AMDHD2: variants seen among roughly 807,000 people sequenced by gnomAD.
AMDHD2 encodes the protein amidohydrolase domain containing 2.
AMDHD2 carries 24 observed loss-of-function variants against 41.8 expected under a neutral mutation model. The ratio of observed to expected loss-of-function variants is 0.57; its 90% CI spans 0.42 to 0.81. The LOEUF (loss-of-function observed/expected upper bound fraction) is 0.81, where lower values mean the gene tolerates loss of function less well. AMDHD2 is among the 30% of genes least tolerant of loss of function. The probability of loss-of-function intolerance (pLI) is 0.00; values close to 1 mark genes in which losing one functional copy is unlikely to be tolerated. For missense variants in AMDHD2, 540 were observed against 588.5 expected (o/e 0.92, Z 0.85); for synonymous variants, 332 against 255.5 (o/e 1.30, Z -2.85).
At chr16:2,522,965 G>A (rs1040196357) in intron 3 of AMDHD2, among the ~76,000 whole-genome samples, 3 of 150,284 alleles carry the variant, frequency 2.0e-5, no homozygotes, top group Non-Finnish European at 4.4e-5. Context: ...TGCCTCAGTC[G>A]CCCGAGTAGC....
Position 2,528,389 on chromosome 16 carries a change from C to T in AMDHD2, c.862+9C>T, listed in dbSNP as rs780627668. On this transcript the variant is annotated intron_variant, in intron 7 of 10. Transcript: ENST00000293971. ...CCGTGCCCATCCCCAGGGTAAGCTGCGGCAGGTGGCCAGGACAGGTAGGAT... is the reference window on the plus strand; with the variant it reads ...CCGTGCCCATCCCCAGGGTAAGCTGTGGCAGGTGGCCAGGACAGGTAGGAT... 3.4e-5 allele frequency: 55 copies of T among 1,612,740 alleles called. No individual in the cohort carries two copies. Among genetic ancestry groups the T allele is most frequent in the African/African-American group, 4.0e-5 (3 of 74,928 alleles).
At chr16:2,523,378 T>G (rs1567128579) in intron 3 of AMDHD2, among the ~76,000 whole-genome samples, 1 of 151,918 alleles carries the variant, frequency 6.6e-6, no homozygotes, top group East Asian at 1.9e-4. Flanking sequence ...CTGGGAACAA[T>G]GGGGGTGGTG....
Position 2,531,063 on chromosome 16 carries a change from G to C in AMDHD2, c.*1500G>C, listed in dbSNP as rs1597002849. 10 of 1,591,646 alleles carry C rather than the reference G, an allele frequency of 6.3e-6. No homozygotes were observed. The South Asian group carries it at 1.1e-4, about 18-fold the overall frequency. ...CCCAGCTTGCTGGCTGTCAGTGCTT[G>C]ATGTGCCCATCCTCAGCTAAAACCC... On this transcript the variant is annotated 3_prime_UTR_variant, in exon 11 of 11. Coordinates refer to ENST00000293971, the MANE Select transcript of AMDHD2 (RefSeq NM_001330449.2).
Position 2,527,241 on chromosome 16 carries a change from C to T in AMDHD2, c.361-320C>T, listed in dbSNP as rs2066015378. On this transcript the variant is annotated intron_variant, in intron 3 of 10. Transcript: ENST00000293971. This position sits in a 1 kb window ranked among gnomAD's most constrained non-coding sequence, Gnocchi z 6.1. ...CACACTGAGCTCTGCCCCAGGGTCCCTGCTGCTCCCAGGAGCCTCCTGCCT... is the reference window on the plus strand; with the variant it reads ...CACACTGAGCTCTGCCCCAGGGTCCTTGCTGCTCCCAGGAGCCTCCTGCCT... 2.1e-6 allele frequency: 1 copy of T among 472,314 alleles called. No homozygotes were observed. The highest frequency in any genetic ancestry group is 3.8e-6 in the Non-Finnish European group (1 of 264,144). The allele number at this position is 472,314 out of a possible 1,614,324, so 29.3% of individuals were successfully genotyped here. A position where few individuals can be genotyped will look rare whatever the true frequency, so the allele number is the denominator to read the frequency against.
At position 2,530,278 on chromosome 16, in the gene AMDHD2, G is replaced by A. The variant is rs373215016; in HGVS notation, c.*715G>A. The A allele has an allele frequency of 2.5e-4, 407 of 1,613,052 alleles. 3 individuals are homozygous for A. The highest frequency in any genetic ancestry group is 2.1e-3 in the Middle Eastern group (13 of 6,058). Reference sequence around the variant, plus strand: ...CCAGGCCCAGTGCTTGCCGGCTGTGGTGACCCTGCCTGGTGCTGGAGGGCA... The same window carrying A: ...CCAGGCCCAGTGCTTGCCGGCTGTGATGACCCTGCCTGGTGCTGGAGGGCA... On this transcript the variant is annotated 3_prime_UTR_variant, in exon 11 of 11. Transcript: ENST00000293971.
intron 10 of AMDHD2, 54 bp from the exon 11 acceptor site, chr16:2,529,421 G>C: frequency 1.2e-6 from 2 of 1,600,690 alleles, no homozygotes; most frequent in East Asian, 2.2e-5. Flanking sequence ...GCAGCTCTGG[G>C]GTAGGTGGGC....
In AMDHD2 at chr16:2,530,850, A is replaced by G. The variant is rs1597002485; in HGVS notation, c.*1287A>G. The G allele has an allele frequency of 1.2e-6, 2 of 1,613,498 alleles. No individual in the cohort carries two copies. Among genetic ancestry groups the G allele is most frequent in the Non-Finnish European group, 1.7e-6 (2 of 1,179,952 alleles). On this transcript the variant is annotated 3_prime_UTR_variant, in exon 11 of 11. Coordinates refer to ENST00000293971, the MANE Select transcript of AMDHD2 (RefSeq NM_001330449.2). ...AAGCAGGCGACGGATGTGGATCCTG[A>G]CCTCCTGAGAGGTGTGAGGTGCAGG...
chr16:2,531,305 G>A lies in AMDHD2; in HGVS notation c.*1742G>A, dbSNP rs1449677848. The A allele has an allele frequency of 9.0e-6, 5 of 557,640 alleles. No individual in the cohort carries two copies. The highest frequency in any genetic ancestry group is 4.8e-4 in the Middle Eastern group (1 of 2,100). 34.5% of individuals were successfully genotyped at this position (557,640 alleles called of 1,614,324 possible). A position where few individuals can be genotyped will look rare whatever the true frequency, so the allele number is the denominator to read the frequency against. On this transcript the variant is annotated 3_prime_UTR_variant, in exon 11 of 11. Coordinates refer to ENST00000293971, the MANE Select transcript of AMDHD2 (RefSeq NM_001330449.2). ...CCAGGGTCAGGGTGAGAGAGAGCTGGGCCAGGGAGCTGCTGCAGGATGATT... is the reference window on the plus strand; with the variant it reads ...CCAGGGTCAGGGTGAGAGAGAGCTGAGCCAGGGAGCTGCTGCAGGATGATT...
Position 2,527,901 on chromosome 16 carries a change from C to T in AMDHD2, c.544C>T (p.Arg182Cys), listed in dbSNP as rs746737237. The T allele has an allele frequency of 8.8e-6, 14 of 1,595,326 alleles. No homozygotes were observed. Among genetic ancestry groups the T allele is most frequent in the African/African-American group, 1.3e-5 (1 of 74,846 alleles). Residue 182 changes from arginine (R) to cysteine (C), a missense_variant, in exon 5 of 11, where the codon CGC becomes TGC. Arg to Cys is a radical substitution (Grantham distance 180, BLOSUM62 -3). Coordinates refer to ENST00000293971, the MANE Select transcript of AMDHD2 (RefSeq NM_001330449.2). This position sits in a 1 kb window ranked among gnomAD's most constrained non-coding sequence, Gnocchi z 6.1. Reference protein sequence around the residue: ...LATYGPLDNVRIVTLAPELGR... With the variant: ...LATYGPLDNVCIVTLAPELGR... ...CACCTACGGGCCCCTGGACAATGTC[C>T]GCATCGTGACGCTGGCCCCAGAGTT...
At position 2,529,952 on chromosome 16, in the gene AMDHD2, C is replaced by A; in HGVS notation, c.*389C>A. 1 of 830,858 alleles carries A rather than the reference C, an allele frequency of 1.2e-6. No individual in the cohort carries two copies. Among genetic ancestry groups the A allele is most frequent in the Non-Finnish European group, 1.8e-6 (1 of 561,142 alleles). The allele number at this position is 830,858 out of a possible 1,614,324, so 51.5% of individuals were successfully genotyped here. A position where few individuals can be genotyped will look rare whatever the true frequency, so the allele number is the denominator to read the frequency against. Reference sequence around the variant, plus strand: ...GGAGGGAGGGGCAGGCAGTCAGTGGCTGGTGCCATGGGGTGAAGCCACCAT... The same window carrying A: ...GGAGGGAGGGGCAGGCAGTCAGTGGATGGTGCCATGGGGTGAAGCCACCAT... On this transcript the variant is annotated 3_prime_UTR_variant, in exon 11 of 11. Coordinates refer to ENST00000293971, the MANE Select transcript of AMDHD2 (RefSeq NM_001330449.2).
In AMDHD2 at chr16:2,528,201, G is replaced by T; in HGVS notation, c.718-35G>T. ...GGCTGGGGTCCCAGCAGCCCCTGCT[G>T]TCGCTCAGCCATCCCTTCCCTCGCC... On this transcript the variant is annotated intron_variant, in intron 6 of 10. Transcript: ENST00000293971. 3.7e-6 allele frequency: 6 copies of T among 1,612,056 alleles called. No individual in the cohort carries two copies. The South Asian group carries it at 5.5e-5, about 15-fold the overall frequency.
rs2066016514 is a variant in AMDHD2 at position 2,527,337 on chromosome 16, G to A, written c.361-224G>A. Among the ~76,000 whole-genome samples the A allele has an allele frequency of 6.6e-6, 1 of 152,308 alleles. No individual in the cohort carries two copies. Among genetic ancestry groups the A allele is most frequent in the Non-Finnish European group, 1.5e-5 (1 of 68,020 alleles). ...GCCCACAAGCCTGCCCACATGGCCA[G>A]GGACCGCTGGCATCCCACACACCTA... On this transcript the variant is annotated intron_variant, in intron 3 of 10. Transcript: ENST00000293971. This position sits in a 1 kb window ranked among gnomAD's most constrained non-coding sequence, Gnocchi z 6.1.
At position 2,520,920 on chromosome 16, in the gene AMDHD2, C is replaced by T. The variant is rs373381890; in HGVS notation, c.220+15C>T. Reference sequence around the variant, plus strand: ...GCAGATCAACGGTGCGGCCCGGGGCCGGCAGGGGAACCCAGGGGAGGAGCT... The same window carrying T: ...GCAGATCAACGGTGCGGCCCGGGGCTGGCAGGGGAACCCAGGGGAGGAGCT... On this transcript the variant is annotated intron_variant, in intron 2 of 10. Coordinates refer to ENST00000293971, the MANE Select transcript of AMDHD2 (RefSeq NM_001330449.2). 1.4e-5 allele frequency: 22 copies of T among 1,597,962 alleles called. No homozygotes were observed. In the East Asian group the frequency reaches 2.0e-4, roughly 15 times the overall value.
Position 2,527,678 on chromosome 16 carries a change from C to T in AMDHD2, c.415+63C>T. The T allele has an allele frequency of 1.3e-6, 2 of 1,570,090 alleles. No homozygotes were observed. Among genetic ancestry groups the T allele is most frequent in the East Asian group, 2.3e-5 (1 of 43,778 alleles). ...GGCTCCTGCGGGACCTGTTGGCAGCCCCCACCCCTCCAGATGCCCAGCTGG... is the reference window on the plus strand; with the variant it reads ...GGCTCCTGCGGGACCTGTTGGCAGCTCCCACCCCTCCAGATGCCCAGCTGG... On this transcript the variant is annotated intron_variant, in intron 4 of 10. Coordinates refer to ENST00000293971, the MANE Select transcript of AMDHD2 (RefSeq NM_001330449.2). The surrounding 1 kb of genome is among the most constrained non-coding windows in gnomAD (Gnocchi z 6.1).
rs928201296 is a variant in AMDHD2 at position 2,523,085 on chromosome 16, G to A, written c.360+1962G>A. Among the ~76,000 whole-genome samples, 9 of 151,990 alleles carry A rather than the reference G, an allele frequency of 5.9e-5. 1 individual carries two copies. The highest frequency in any genetic ancestry group is 3.9e-4 in the Admixed American group (6 of 15,244). ...TCTTGAAATCCTGACCTCACGATCT[G>A]CCCATCTCAGCCTCCCAAAGTGCTA... On this transcript the variant is annotated intron_variant, in intron 3 of 10. Transcript: ENST00000293971.
rs760487959 is a variant in AMDHD2, at chr16:2,527,660, G to T, written c.415+45G>T. On this transcript the variant is annotated intron_variant, in intron 4 of 10. Coordinates refer to ENST00000293971, the MANE Select transcript of AMDHD2 (RefSeq NM_001330449.2). The surrounding 1 kb of genome is among the most constrained non-coding windows in gnomAD (Gnocchi z 6.1). ...CCCGCCCCCACCCTGGGAGGCTCCTGCGGGACCTGTTGGCAGCCCCCACCC... is the reference window on the plus strand; with the variant it reads ...CCCGCCCCCACCCTGGGAGGCTCCTTCGGGACCTGTTGGCAGCCCCCACCC... 2 of 1,589,446 alleles carry T rather than the reference G, an allele frequency of 1.3e-6. No individual in the cohort carries two copies. Among genetic ancestry groups the T allele is most frequent in the East Asian group, 2.3e-5 (1 of 44,228 alleles).
chr16:2,529,780 T>C lies in AMDHD2; in HGVS notation c.*217T>C. 7.0e-7 allele frequency: 1 copy of C among 1,432,726 alleles called. No homozygotes were observed. The highest frequency in any genetic ancestry group is 1.5e-5 in the South Asian group (1 of 66,950). 88.8% of individuals were successfully genotyped at this position (1,432,726 alleles called of 1,614,324 possible). On this transcript the variant is annotated 3_prime_UTR_variant, in exon 11 of 11. Coordinates refer to ENST00000293971, the MANE Select transcript of AMDHD2 (RefSeq NM_001330449.2). Reference sequence around the variant, plus strand: ...TTGTGCTCACATGTGGCACCATCCTTGGTTGCCCTCCTGGAGAAGGCATTC... The same window carrying C: ...TTGTGCTCACATGTGGCACCATCCTCGGTTGCCCTCCTGGAGAAGGCATTC...
At position 2,528,700 on chromosome 16, in the gene AMDHD2, C is replaced by G; in HGVS notation, c.1021C>G (p.His341Asp). ...SIAPMDVCVR[H>D]FLQATGCSME... The stretch of plus-strand genomic sequence containing the variant: ...AGCCCCAATGGACGTCTGTGTCCGG[C>G]ACTTCCTGCAGGCCACAGGTCAGTG... Residue 341 changes from histidine (H) to aspartate (D), a missense_variant, in exon 9 of 11, where the codon CAC becomes GAC. By Grantham distance (81) the His-to-Asp change is moderately conservative. Coordinates refer to ENST00000293971, the MANE Select transcript of AMDHD2 (RefSeq NM_001330449.2). The G allele has an allele frequency of 6.2e-7, 1 of 1,612,708 alleles. No individual in the cohort carries two copies. The highest frequency in any genetic ancestry group is 8.5e-7 in the Non-Finnish European group (1 of 1,179,926).
In AMDHD2 at chr16:2,527,129, C is replaced by G. The variant is rs2066013778; in HGVS notation, c.361-432C>G. On this transcript the variant is annotated intron_variant, in intron 3 of 10. Coordinates refer to ENST00000293971, the MANE Select transcript of AMDHD2 (RefSeq NM_001330449.2). The surrounding 1 kb of genome is among the most constrained non-coding windows in gnomAD (Gnocchi z 6.1). ...ATGTGTGGTGTGAGCCCGTGTCCCC[C>G]CGTTCCCTGACACACTCGGTCTTCC... The G allele has an allele frequency of 9.2e-6, 2 of 217,866 alleles. No individual in the cohort carries two copies. The highest frequency in any genetic ancestry group is 1.2e-4 in the Admixed American group (2 of 17,046). 13.5% of individuals were successfully genotyped at this position (217,866 alleles called of 1,614,324 possible).
Sources: allele counts gnomAD v4.1 joint callset (sites outside exome capture counted in the v4.1 genomes callset), GRCh38; gene constraint gnomAD v4.1.1; non-coding constraint Gnocchi (gnomAD v3.1); transcripts MANE v1.5; gene names NCBI Gene and HGNC (gene_info 2026-07-23, HGNC 2026-07-21).